CHD7: variants seen among roughly 807,000 people sequenced by gnomAD.
CHD7 encodes the protein chromodomain helicase DNA binding protein 7.
Under a neutral mutation model 307.3 loss-of-function variants are expected in CHD7, and 24 were observed. The ratio of observed to expected loss-of-function variants is 0.08; its 90% CI spans 0.06 to 0.11. CHD7 has a LOEUF of 0.11. Ranked by LOEUF, CHD7 falls within the 10% of genes least tolerant of loss-of-function variation. The pLI is 1.00. For synonymous variants in CHD7, 1,363 were observed against 1,349.9 expected, an observed-to-expected ratio of 1.01 and a Z score of -0.21; for missense variants, 3,106 against 3,727.1, an observed-to-expected ratio of 0.83 and a Z score of 4.34.
intron 3 of CHD7, among the ~76,000 whole-genome samples, chr8:60,787,716 G>A (rs10111716): frequency 0.011 from 1,739 of 152,064 alleles, 26 homozygotes; most frequent in African/African-American, 0.04. Flanking sequence ...GTTAATGTCT[G>A]TGTTAAGCTT....
intron 2 of CHD7, among the ~76,000 whole-genome samples, chr8:60,772,454 C>G (rs765719466): frequency 2.0e-5 from 3 of 152,196 alleles, no homozygotes; most frequent in African/African-American, 7.2e-5. Context: ...TTTCTTCTTT[C>G]CAGTTTAAAG....
At chr8:60,714,831 A>C (rs1202364198) in intron 1 of CHD7, among the ~76,000 whole-genome samples, 1 of 152,198 alleles carries the variant, frequency 6.6e-6, no homozygotes, top group Non-Finnish European at 1.5e-5. Context: ...TCTGTGTTCC[A>C]GGTCTGCCCA....
At chr8:60,800,023 A>AAT (rs1484277647) in intron 4 of CHD7, among the ~76,000 whole-genome samples, 1 of 152,006 alleles carries the variant, frequency 6.6e-6, no homozygotes, top group Non-Finnish European at 1.5e-5. Context: ...CGCCATTATA[A>AAT]AGAACATTTT....
chr8:60,856,828 GA>G lies in CHD7; in HGVS notation c.7553del (p.Asn2518MetfsTer10). ...CCATGAAGAGGAGGCGGGGAAGGAG[GA>G]AAAATGTGGAGGGACTTGATCTGCT... is the stretch of plus-strand genomic sequence containing the variant. ...PPMKRRRGRRKNVEGLDLLFM... is the reference protein window; with the variant it reads ...PPMKRRRGRRXNVEGLDLLFM... On this transcript the variant is annotated frameshift_variant, in exon 34 of 38. Coordinates refer to ENST00000423902, the MANE Select transcript of CHD7 (RefSeq NM_017780.4). LOFTEE classifies it high-confidence loss of function. The G allele has an allele frequency of 6.3e-7, 1 of 1,592,262 alleles. No homozygotes were observed. The highest frequency in any genetic ancestry group is 8.5e-7 in the Non-Finnish European group (1 of 1,169,676).
In CHD7 at chr8:60,712,577, C is replaced by T. The variant is rs543954839; in HGVS notation, c.-174-28682C>T. Among the ~76,000 whole-genome samples the T allele has an allele frequency of 5.3e-5, 8 of 152,266 alleles. No homozygotes were observed. The South Asian group carries it at 1.7e-3, about 32-fold the overall frequency. The stretch of plus-strand genomic sequence containing the variant: ...TCCTGTATTATTTAGCAGCAAATCC[C>T]AGGTAGTATAGTATTTTATTTTAAA... On this transcript the variant is annotated intron_variant, in intron 1 of 37. Coordinates refer to ENST00000423902, the MANE Select transcript of CHD7 (RefSeq NM_017780.4).
At chr8:60,775,468 A>G (rs1810907986) in intron 2 of CHD7, among the ~76,000 whole-genome samples, 1 of 115,534 alleles carries the variant, frequency 8.7e-6, no homozygotes. Context: ...GTAATATACT[A>G]TCTTTTGAAA....
intron 1 of CHD7, among the ~76,000 whole-genome samples, chr8:60,722,491 G>A (rs1937166073): frequency 1.3e-5 from 2 of 152,144 alleles, no homozygotes; most frequent in African/African-American, 4.8e-5. Flanking sequence ...ATCATTTAGA[G>A]CTATGGTTTT....
chr8:60,821,746 G>A, intron 9 of CHD7, 44 bp from the exon 10 acceptor site: 1 of 1,532,430 alleles, frequency 6.5e-7, no homozygotes, highest in Non-Finnish European at 8.8e-7. Flanking sequence ...ATGTATGTAT[G>A]TGGTCAAATG....
intron 1 of CHD7, among the ~76,000 whole-genome samples, chr8:60,689,051 G>A (rs1766284071): frequency 6.6e-6 from 1 of 152,216 alleles, no homozygotes; most frequent in South Asian, 2.1e-4. Flanking sequence ...CTCTGGGGTA[G>A]CCTACTTAGA....
chr8:60,850,416 C>G (rs1805400468), intron 25 of CHD7, 77 bp from the exon 26 acceptor site: 1 of 1,512,132 alleles, frequency 6.6e-7, no homozygotes, highest in South Asian at 1.3e-5. Flanking sequence ...TGTGTTGTGG[C>G]AGTGCTGTGA....
intron 3 of CHD7, among the ~76,000 whole-genome samples, chr8:60,789,213 A>G (rs1046305364): frequency 3.3e-4 from 50 of 152,184 alleles, no homozygotes; most frequent in African/African-American, 1.2e-3. Context: ...ATTTTGTCAC[A>G]AACACCCTGC....
intron 1 of CHD7, among the ~76,000 whole-genome samples, chr8:60,682,037 T>A (rs1048450872): frequency 1.3e-5 from 2 of 152,182 alleles, no homozygotes; most frequent in African/African-American, 4.8e-5. Flanking sequence ...AATGGTAGAG[T>A]GGTTGTACCG....
At chr8:60,862,378 A>T in intron 36 of CHD7, 42 bp downstream of exon 36, 1 of 1,568,542 alleles carries the variant, frequency 6.4e-7, no homozygotes, top group South Asian at 1.2e-5. Flanking sequence ...GCGATTTCTT[A>T]GCCCAGAAGG....
At chr8:60,723,275 T>G (rs1277714865) in intron 1 of CHD7, among the ~76,000 whole-genome samples, 4 of 152,236 alleles carry the variant, frequency 2.6e-5, no homozygotes, top group African/African-American at 9.6e-5. Context: ...AATTGTTTTC[T>G]TGGAAGTAAC....
chr8:60,724,022 C>G (rs1052785310), intron 1 of CHD7, among the ~76,000 whole-genome samples: 1 of 152,220 alleles, frequency 6.6e-6, no homozygotes, highest in Admixed American at 6.5e-5. Flanking sequence ...AAAGCATTTG[C>G]CTTTTCACTA....
intron 2 of CHD7, among the ~76,000 whole-genome samples, chr8:60,772,645 G>A (rs900255044): frequency 2.6e-5 from 4 of 152,108 alleles, no homozygotes; most frequent in Non-Finnish European, 4.4e-5. Context: ...CAAGACAGAT[G>A]CCTTGAGACT....
intron 1 of CHD7, among the ~76,000 whole-genome samples, chr8:60,684,487 A>C (rs1805785278): frequency 6.6e-6 from 1 of 152,222 alleles, no homozygotes; most frequent in African/African-American, 2.4e-5. Context: ...CATAGGTGTG[A>C]TGCAGTCGGT....
At chr8:60,802,108 A>G (rs10957161) in intron 6 of CHD7, among the ~76,000 whole-genome samples, 118,228 of 152,160 alleles carry the variant, frequency 0.78, 46,170 homozygotes, top group East Asian at 0.94. Flanking sequence ...GTAATTTTAA[A>G]AAATAGTTTT....
At chr8:60,760,427 G>A (rs1193544223) in intron 2 of CHD7, among the ~76,000 whole-genome samples, 1 of 146,612 alleles carries the variant, frequency 6.8e-6, no homozygotes, top group Non-Finnish European at 1.5e-5. Flanking sequence ...CAGGACATAG[G>A]CATGGGCAAG....
Sources: allele counts gnomAD v4.1 joint callset (sites outside exome capture counted in the v4.1 genomes callset), GRCh38; gene constraint gnomAD v4.1.1; transcripts MANE v1.5; gene names NCBI Gene and HGNC (gene_info 2026-07-23, HGNC 2026-07-21).